The following CTNND2 variants were observed in gnomAD, a reference collection of about 807,000 sequenced individuals.
The protein encoded by CTNND2 is catenin delta 2, also known as catenin delta-2.
CTNND2 carries 22 observed loss-of-function variants against 144.4 expected under a neutral mutation model. That is an observed-to-expected ratio of 0.15 (90% CI 0.11 to 0.22). The LOEUF is 0.22. CTNND2 is among the 10% of genes least tolerant of loss of function. CTNND2 has a pLI of 1.00. For missense variants in CTNND2, 1,353 were observed against 1,618.8 expected, an observed-to-expected ratio of 0.84 and a Z score of 2.82; for synonymous variants, 751 against 695.6, an observed-to-expected ratio of 1.08 and a Z score of -1.25.
chr5:11,251,078 T>C (rs1743596099), intron 9 of CTNND2, among the ~76,000 whole-genome samples: 1 of 152,230 alleles, frequency 6.6e-6, no homozygotes, highest in South Asian at 2.1e-4. Context: ...ATTATTTAAG[T>C]GTTGTACAGA....
rs1270519822 is a variant in CTNND2 at position 11,766,485 on chromosome 5, T to G, written c.38-34213A>C. ...AAAGAGTTTTCCTGCACAAGCTGTC[T>G]CTCTCTTTTTGCCTGTTGTCATCCA... On this transcript the variant is annotated intron_variant, in intron 1 of 21. Transcript: ENST00000304623. Among the ~76,000 whole-genome samples the G allele has an allele frequency of 2.6e-5, 4 of 152,204 alleles. No individual in the cohort carries two copies. The East Asian group carries it at 5.8e-4, about 22-fold the overall frequency.
chr5:11,840,619 C>T (rs1358654923), intron 1 of CTNND2, among the ~76,000 whole-genome samples: 1 of 152,150 alleles, frequency 6.6e-6, no homozygotes, highest in African/African-American at 2.4e-5. Context: ...ACCAAAATAA[C>T]TCGTATCACT....
chr5:11,123,770 A>G (rs191878061), intron 12 of CTNND2, among the ~76,000 whole-genome samples: 156 of 152,350 alleles, frequency 1.0e-3, no homozygotes, highest in African/African-American at 3.4e-3. Context: ...GGTGAGAACC[A>G]CGGCCTTAGC....
At chr5:11,746,157 G>A (rs1788304099) in intron 1 of CTNND2, among the ~76,000 whole-genome samples, 1 of 152,036 alleles carries the variant, frequency 6.6e-6, no homozygotes, top group African/African-American at 2.4e-5. Context: ...CACACACCAA[G>A]CCTCTTGCCA....
chr5:11,821,633 C>T (rs567328515), intron 1 of CTNND2, among the ~76,000 whole-genome samples: 1 of 152,226 alleles, frequency 6.6e-6, no homozygotes, highest in East Asian at 1.9e-4. Context: ...ACTGCCCAGT[C>T]TTCTTTATAG....
intron 9 of CTNND2, among the ~76,000 whole-genome samples, chr5:11,311,994 G>T (rs62652502): frequency 9.5e-6 from 1 of 105,450 alleles, no homozygotes; most frequent in African/African-American, 3.5e-5. Flanking sequence ...ACCCATATAT[G>T]CACCCCACAC....
At chr5:11,110,786 T>C (rs2149684459) in intron 14 of CTNND2, 72 bp downstream of exon 14, 2 of 1,408,126 alleles carry the variant, frequency 1.4e-6, no homozygotes, top group East Asian at 2.3e-5. Flanking sequence ...TCATTCTCTA[T>C]ATATTGAGGA....
intron 10 of CTNND2, among the ~76,000 whole-genome samples, chr5:11,224,261 C>T (rs968084931): frequency 6.6e-6 from 1 of 152,252 alleles, no homozygotes; most frequent in East Asian, 1.9e-4. Context: ...GAGTGTGCCT[C>T]GTCCATCATC....
chr5:11,663,951 T>C (rs1783416428), intron 2 of CTNND2, among the ~76,000 whole-genome samples: 2 of 152,166 alleles, frequency 1.3e-5, no homozygotes, highest in South Asian at 4.1e-4. Flanking sequence ...AATTAGCATT[T>C]CTTAGCAAGC....
At chr5:11,866,632 C>T (rs193163226) in intron 1 of CTNND2, among the ~76,000 whole-genome samples, 2 of 152,354 alleles carry the variant, frequency 1.3e-5, no homozygotes, top group Non-Finnish European at 2.9e-5. Context: ...GTGCCTGGCA[C>T]ATCCTACGTG....
chr5:11,098,029 T>C (rs1751523661), intron 15 of CTNND2, among the ~76,000 whole-genome samples: 1 of 152,234 alleles, frequency 6.6e-6, no homozygotes, highest in Non-Finnish European at 1.5e-5. Flanking sequence ...AAGGCTGTTC[T>C]AATCTCCTCT....
chr5:11,843,826 G>A (rs143368459), intron 1 of CTNND2, among the ~76,000 whole-genome samples: 251 of 151,914 alleles, frequency 1.7e-3, no homozygotes, highest in Non-Finnish European at 2.5e-3. Flanking sequence ...TTTTTCCAGG[G>A]GTGGTTTGTT....
At chr5:11,712,951 A>C (rs1436490554) in intron 2 of CTNND2, among the ~76,000 whole-genome samples, 6 of 152,326 alleles carry the variant, frequency 3.9e-5, no homozygotes, top group African/African-American at 1.4e-4. Context: ...TAATATAGTC[A>C]TTCATAGTAT....
intron 19 of CTNND2, among the ~76,000 whole-genome samples, chr5:10,989,824 A>T (rs1738464428): frequency 6.6e-6 from 1 of 152,242 alleles, no homozygotes. Flanking sequence ...AGAAGTGCCC[A>T]ACAGACGTTA....
intron 3 of CTNND2, among the ~76,000 whole-genome samples, chr5:11,473,802 C>G (rs528932654): frequency 1.3e-5 from 2 of 152,290 alleles, no homozygotes; most frequent in Admixed American, 1.3e-4. Context: ...CCAGAGCATC[C>G]AAGAAGAGCT....
chr5:11,536,776 C>T (rs1479737500), intron 3 of CTNND2, among the ~76,000 whole-genome samples: 2 of 151,990 alleles, frequency 1.3e-5, no homozygotes, highest in Non-Finnish European at 2.9e-5. Context: ...GGGTACAGTG[C>T]GCACTGTTCG....
At chr5:11,393,623 C>A (rs188485489) in intron 6 of CTNND2, among the ~76,000 whole-genome samples, 2 of 152,262 alleles carry the variant, frequency 1.3e-5, no homozygotes, top group African/African-American at 4.8e-5. Context: ...CACCCACAAA[C>A]CAGCACAGAA....
At chr5:11,283,273 T>C (rs967738993) in intron 9 of CTNND2, among the ~76,000 whole-genome samples, 7 of 152,142 alleles carry the variant, frequency 4.6e-5, no homozygotes, top group African/African-American at 1.2e-4. Context: ...CCATGCCCAG[T>C]GTACAAGTAA....
At chr5:11,322,883 G>A (rs1752171892) in intron 9 of CTNND2, among the ~76,000 whole-genome samples, 1 of 152,158 alleles carries the variant, frequency 6.6e-6, no homozygotes, top group African/African-American at 2.4e-5. Context: ...AGGCTACAGG[G>A]CAATTTGTTG....
Sources: allele counts gnomAD v4.1 joint callset (sites outside exome capture counted in the v4.1 genomes callset), GRCh38; gene constraint gnomAD v4.1.1; transcripts MANE v1.5; gene names NCBI Gene and HGNC (gene_info 2026-07-23, HGNC 2026-07-21).